Variants in NF1 observed in about 807,000 individuals in gnomAD.
The protein encoded by NF1 is neurofibromin.
A neutral mutation model predicts 325.7 loss-of-function variants in NF1; 122 were observed. That is an observed-to-expected ratio of 0.37 (90% CI 0.32 to 0.44). NF1 has a LOEUF of 0.44. NF1 is among the 20% of genes least tolerant of loss of function. The probability of loss-of-function intolerance (pLI) is 1.00; values close to 1 mark genes in which losing one functional copy is unlikely to be tolerated. For missense variants in NF1, 2,140 were observed against 3,415.4 expected (o/e 0.63, Z 9.31); for synonymous variants, 1,091 against 1,186.0 (o/e 0.92, Z 1.65).
chr17:31,169,365 G>A (rs997874490), intron 4 of NF1, among the ~76,000 whole-genome samples: 6 of 152,142 alleles, frequency 3.9e-5, no homozygotes, highest in Admixed American at 6.5e-5. Flanking sequence ...AGGATGCTAC[G>A]ATGCTACGTT....
At chr17:31,099,992 C>A (rs1912161375) in intron 1 of NF1, among the ~76,000 whole-genome samples, 1 of 137,530 alleles carries the variant, frequency 7.3e-6, no homozygotes, top group Non-Finnish European at 1.6e-5. Flanking sequence ...TATGGGAAAA[C>A]TATGGATATT....
At chr17:31,268,244 A>G (rs561341835) in intron 36 of NF1, among the ~76,000 whole-genome samples, 5 of 152,296 alleles carry the variant, frequency 3.3e-5, no homozygotes, top group African/African-American at 1.2e-4. Flanking sequence ...GCTTGGCAGA[A>G]ACTTTAATGT....
chr17:31,232,646 C>T (rs2067132178), intron 25 of NF1, 54 bp from the exon 26 acceptor site: 1 of 1,540,144 alleles, frequency 6.5e-7, no homozygotes, highest in Admixed American at 1.7e-5. Flanking sequence ...GTCTGGTTAG[C>T]TTTCTAGTTG....
At chr17:31,321,850 A>G (rs986563783) in intron 36 of NF1, 4 of 152,146 alleles carry the variant, frequency 2.6e-5, no homozygotes, top group African/African-American at 7.2e-5. Flanking sequence ...TGCTCATTCT[A>G]TAGGCCTGCT....
chr17:31,297,794 C>A (rs1331670087), intron 36 of NF1, among the ~76,000 whole-genome samples: 3 of 152,088 alleles, frequency 2.0e-5, no homozygotes. Flanking sequence ...AATTTATCAA[C>A]CACTTAAGTG....
At chr17:31,181,127 T>G (rs1436245026) in intron 5 of NF1, among the ~76,000 whole-genome samples, 2 of 152,202 alleles carry the variant, frequency 1.3e-5, no homozygotes, top group Non-Finnish European at 2.9e-5. Context: ...TCCATGCTCA[T>G]GGATAGGAGG....
chr17:31,202,230 G>T (rs1183225681), intron 11 of NF1, among the ~76,000 whole-genome samples: 1 of 152,094 alleles, frequency 6.6e-6, no homozygotes, highest in Non-Finnish European at 1.5e-5. Flanking sequence ...ATTTTCCATT[G>T]TTCCACTTTT....
chr17:31,235,544 C>T (rs2151437540), intron 27 of NF1, 67 bp from the exon 28 acceptor site: 1 of 1,592,284 alleles, frequency 6.3e-7, no homozygotes, highest in South Asian at 1.1e-5. Flanking sequence ...TTTTGCTACT[C>T]TTTAGCTTCC....
At chr17:31,282,934 C>G (rs1223792658) in intron 36 of NF1, among the ~76,000 whole-genome samples, 1 of 152,212 alleles carries the variant, frequency 6.6e-6, no homozygotes, top group East Asian at 1.9e-4. Flanking sequence ...TTGATATTGT[C>G]TGTCTTTCTA....
intron 32 of NF1, 111 bp downstream of exon 32, chr17:31,258,613 A>T: frequency 8.7e-7 from 1 of 1,144,494 alleles, no homozygotes; most frequent in Middle Eastern, 2.9e-4. Context: ...TATGGTTTTC[A>T]GTTATGTGCT....
chr17:31,153,379 C>A (rs1322454758), intron 1 of NF1, among the ~76,000 whole-genome samples: 1 of 152,194 alleles, frequency 6.6e-6, no homozygotes, highest in African/African-American at 2.4e-5. Flanking sequence ...CACAGCAAAT[C>A]CTATTAGACA....
At position 31,327,607 on chromosome 17, in the gene NF1, C is replaced by A. The variant is rs761676110; in HGVS notation, c.5377C>A (p.Leu1793Ile). 1.9e-6 allele frequency: 3 copies of A among 1,614,138 alleles called. No homozygotes were observed. Among genetic ancestry groups the A allele is most frequent in the Non-Finnish European group, 2.5e-6 (3 of 1,180,012 alleles). Residue 1793 changes from leucine to isoleucine, a missense_variant, in exon 38 of 58, where the codon CTA becomes ATA. Transcript: ENST00000358273. The part of the protein sequence containing the change: ...YYASEIEEIC[L>I]VDENQFTLTI... ...TGCTTCGGAAATTGAAGAAATCTGCCTAGTAGATGAGAACCAGTTCACCTT... is the reference window on the plus strand; with the variant it reads ...TGCTTCGGAAATTGAAGAAATCTGCATAGTAGATGAGAACCAGTTCACCTT...
chr17:31,236,154 T>C (rs1001578553), intron 29 of NF1, 133 bp downstream of exon 29: 5 of 673,056 alleles, frequency 7.4e-6, no homozygotes, highest in African/African-American at 1.8e-5. Context: ...ATAAAAGTTA[T>C]ATACAAATAC....
At chr17:31,231,043 T>C in intron 24 of NF1, 118 bp downstream of exon 24, 1 of 791,472 alleles carries the variant, frequency 1.3e-6, no homozygotes, top group Admixed American at 2.1e-5. Flanking sequence ...GTCAAACTTT[T>C]GTGTTTGAAA....
intron 1 of NF1, among the ~76,000 whole-genome samples, chr17:31,123,937 GGA>G (rs1914651617): frequency 6.6e-6 from 1 of 152,000 alleles, no homozygotes; most frequent in Non-Finnish European, 1.5e-5. Context: ...AGGGGGAGAA[GGA>G]GAGAGAATAT....
Position 31,302,580 on chromosome 17 carries a change from G to A in NF1, c.4836-23240G>A, listed in dbSNP as rs570705400. 1.6e-3 allele frequency among the ~76,000 whole-genome samples: 243 copies of A among 152,226 alleles called. 1 individual carries two copies. The highest frequency in any genetic ancestry group is 3.2e-3 in the Admixed American group (49 of 15,286). Reference sequence around the variant, plus strand: ...GTTTGGGCCGGGCACGGTGGCTCACGGCTGTAATCCCAGCACTTTGAGAGG... The same window carrying A: ...GTTTGGGCCGGGCACGGTGGCTCACAGCTGTAATCCCAGCACTTTGAGAGG... On this transcript the variant is annotated intron_variant, in intron 36 of 57. Transcript: ENST00000358273.
rs554734028 is a variant in NF1, at chr17:31,165,343, T to G, written c.479+1967T>G. Among the ~76,000 whole-genome samples, 4 of 152,328 alleles carry G rather than the reference T, an allele frequency of 2.6e-5. No individual in the cohort carries two copies. The East Asian group carries it at 7.7e-4, about 29-fold the overall frequency. On this transcript the variant is annotated intron_variant, in intron 4 of 57. Transcript: ENST00000358273. ...AGAAATGGCATCTGTGAAATAACAT[T>G]GTTTCAGACAACTGCATTTTCAGTT... is the stretch of plus-strand genomic sequence containing the variant.
chr17:31,158,193 G>A (rs902979298), intron 2 of NF1, among the ~76,000 whole-genome samples: 6 of 151,802 alleles, frequency 4.0e-5, no homozygotes, highest in African/African-American at 1.5e-4. Flanking sequence ...CTTTTTGTTC[G>A]CATCATCCTT....
At chr17:31,327,420 T>G in intron 37 of NF1, 79 bp from the exon 38 acceptor site, 1 of 1,047,758 alleles carries the variant, frequency 9.5e-7, no homozygotes, top group Non-Finnish European at 1.4e-6. Flanking sequence ...TTTGGTTGGT[T>G]GGTTTCTGGA....
Sources: allele counts gnomAD v4.1 joint callset (sites outside exome capture counted in the v4.1 genomes callset), GRCh38; gene constraint gnomAD v4.1.1; transcripts MANE v1.5; gene names NCBI Gene and HGNC (gene_info 2026-07-23, HGNC 2026-07-21).